SH3RF3: variants seen among roughly 807,000 people sequenced by gnomAD.
The protein encoded by SH3RF3 is SH3 domain containing ring finger 3, also known as E3 ubiquitin-protein ligase SH3RF3.
In SH3RF3, 29 loss-of-function variants were observed where a neutral mutation model predicts 66.3. The observed-to-expected ratio is 0.44, with a 90% confidence interval of 0.33 to 0.60. The LOEUF (loss-of-function observed/expected upper bound fraction) is 0.60. Among genes scored for constraint, SH3RF3 ranks in the 20% least tolerant of loss-of-function variants. The pLI, the probability that SH3RF3 is intolerant of heterozygous loss-of-function variation, is 0.04. For synonymous variants in SH3RF3, 583 were observed against 532.0 expected (o/e 1.10, Z -1.32); for missense variants, 1,194 against 1,190.9 (o/e 1.00, Z -0.04).
At chr2:109,491,984 A>G (rs1383093463) in intron 9 of SH3RF3, among the ~76,000 whole-genome samples, 1 of 152,070 alleles carries the variant, frequency 6.6e-6, no homozygotes, top group Admixed American at 6.5e-5. Context: ...CTATCCTCAC[A>G]TATTCTTCTG....
chr2:109,467,985 G>T lies in SH3RF3; in HGVS notation c.2148+18496G>T, dbSNP rs561375756. On this transcript the variant is annotated intron_variant, in intron 8 of 9. Coordinates refer to ENST00000309415, the MANE Select transcript of SH3RF3 (RefSeq NM_001099289.3). ...GGGTCAGAGGCAGAGAGACCCTGGAGGACCTCCTCAGAGCGGAAAACATTT... is the reference window on the plus strand; with the variant it reads ...GGGTCAGAGGCAGAGAGACCCTGGATGACCTCCTCAGAGCGGAAAACATTT... Among the ~76,000 whole-genome samples the T allele has an allele frequency of 5.8e-4, 89 of 152,364 alleles. 2 individuals carry two copies. The highest frequency in any genetic ancestry group is 2.1e-3 in the African/African-American group (86 of 41,588).
intron 1 of SH3RF3, among the ~76,000 whole-genome samples, chr2:109,155,772 A>G (rs888370967): frequency 6.6e-6 from 1 of 152,242 alleles, no homozygotes; most frequent in African/African-American, 2.4e-5. Flanking sequence ...TGTTGATCAT[A>G]GCACACGTGC....
chr2:109,283,576 A>G (rs1213331091), intron 1 of SH3RF3, among the ~76,000 whole-genome samples: 1 of 152,160 alleles, frequency 6.6e-6, no homozygotes, highest in East Asian at 1.9e-4. Context: ...GGATGGGGGC[A>G]CACTTCAGCC....
At chr2:109,336,366 C>T (rs1009456849) in intron 1 of SH3RF3, among the ~76,000 whole-genome samples, 1 of 152,202 alleles carries the variant, frequency 6.6e-6, no homozygotes, top group Non-Finnish European at 1.5e-5. Context: ...AGGAATTTCT[C>T]ACAGATAGAA....
At chr2:109,179,962 C>T (rs2104979510) in intron 1 of SH3RF3, among the ~76,000 whole-genome samples, 1 of 50,862 alleles carries the variant, frequency 2.0e-5, no homozygotes, top group South Asian at 8.6e-4. Flanking sequence ...ATCATTTGGA[C>T]CCAAAGGTGT....
At chr2:109,282,046 G>T (rs551620716) in intron 1 of SH3RF3, among the ~76,000 whole-genome samples, 4 of 152,176 alleles carry the variant, frequency 2.6e-5, no homozygotes, top group African/African-American at 9.6e-5. Context: ...GTGTCAGAGG[G>T]GATGCTGGTG....
chr2:109,277,558 C>T (rs552828820), intron 1 of SH3RF3, among the ~76,000 whole-genome samples: 1 of 152,312 alleles, frequency 6.6e-6, no homozygotes, highest in African/African-American at 2.4e-5. Flanking sequence ...AAGTGCCTCC[C>T]TGAGACTTAC....
In SH3RF3 at chr2:109,502,039, C is replaced by T. The variant is rs943288216; in HGVS notation, c.*368C>T. 6 of 214,096 alleles carry T rather than the reference C, an allele frequency of 2.8e-5. No individual in the cohort carries two copies. The highest frequency in any genetic ancestry group is 2.0e-4 in the East Asian group (2 of 9,842). 13.3% of individuals were successfully genotyped at this position (214,096 alleles called of 1,614,324 possible). A position where few individuals can be genotyped will look rare whatever the true frequency, so the allele number is the denominator to read the frequency against. ...AGGGTTGGAGGTTGCAGGAGGTCTG[C>T]AGGCGAGGTGGGTGGCATGGGGGCC... On this transcript the variant is annotated 3_prime_UTR_variant, in exon 10 of 10. Transcript: ENST00000309415.
intron 1 of SH3RF3, among the ~76,000 whole-genome samples, chr2:109,132,856 C>A (rs1314546522): frequency 6.6e-6 from 1 of 152,204 alleles, no homozygotes; most frequent in East Asian, 1.9e-4. Context: ...GGGAGTCTTG[C>A]TAAAAGAGTT....
chr2:109,129,604 G>A lies in SH3RF3; in HGVS notation c.64G>A (p.Gly22Ser). The A allele has an allele frequency of 6.7e-7, 1 of 1,481,690 alleles. No individual in the cohort carries two copies. Among genetic ancestry groups the A allele is most frequent in the East Asian group, 2.8e-5 (1 of 35,750 alleles). 91.8% of individuals were successfully genotyped at this position (1,481,690 alleles called of 1,614,324 possible). A position where few individuals can be genotyped will look rare whatever the true frequency, so the allele number is the denominator to read the frequency against. ...KAAAAAAQSE[G>S]DEDRPGERRR... ...GGCCGCCGCTGCTGCGCAGAGCGAG[G>A]GCGACGAGGACAGGCCAGGCGAGCG... is the stretch of plus-strand genomic sequence containing the variant. The change falls in exon 1 of 10, where the codon GGC (glycine) becomes AGC (serine). Residue 22 changes from glycine (G) to serine (S), a missense_variant. Transcript: ENST00000309415.
chr2:109,380,970 G>C (rs1336520151), intron 3 of SH3RF3, among the ~76,000 whole-genome samples: 1 of 152,254 alleles, frequency 6.6e-6, no homozygotes, highest in African/African-American at 2.4e-5. Flanking sequence ...AGGAGTCGTT[G>C]CTGATTGCCG....
intron 1 of SH3RF3, among the ~76,000 whole-genome samples, chr2:109,345,177 C>G (rs1682656052): frequency 6.6e-6 from 1 of 152,186 alleles, no homozygotes; most frequent in African/African-American, 2.4e-5. Context: ...GCTCTGCACC[C>G]CAGCTTTACC....
At chr2:109,170,215 CTTTTTTCTCTTCTCTTCTCT>C (rs1677728909) in intron 1 of SH3RF3, among the ~76,000 whole-genome samples, 2 of 150,916 alleles carry the variant, frequency 1.3e-5, no homozygotes, top group Admixed American at 1.3e-4. Flanking sequence ...CTTTCTCTCT[CTTTTTTCTCTTCTCTTCTCT>C]TCTTTTCTTT....
intron 1 of SH3RF3, among the ~76,000 whole-genome samples, chr2:109,222,707 A>G (rs1208085025): frequency 6.6e-6 from 1 of 152,324 alleles, no homozygotes; most frequent in East Asian, 1.9e-4. Flanking sequence ...AAACCCTGGG[A>G]TGGCGTGGGC....
chr2:109,191,145 G>C (rs766341092), intron 1 of SH3RF3, among the ~76,000 whole-genome samples: 2 of 152,152 alleles, frequency 1.3e-5, no homozygotes, highest in Non-Finnish European at 2.9e-5. Context: ...GCCAATGAGA[G>C]TAGAGGGTCC....
At chr2:109,378,180 A>G (rs1054796728) in intron 3 of SH3RF3, among the ~76,000 whole-genome samples, 1 of 152,128 alleles carries the variant, frequency 6.6e-6, no homozygotes, top group African/African-American at 2.4e-5. Context: ...GCACCTCCAG[A>G]CCTGTCTGAT....
chr2:109,162,608 G>T (rs4676253), intron 1 of SH3RF3, among the ~76,000 whole-genome samples: 130,919 of 152,172 alleles, frequency 0.86, 56,457 homozygotes, highest in African/African-American at 0.91. Context: ...TGCCACATTT[G>T]CTTAATCCAG....
At chr2:109,226,334 C>T (rs144465427) in intron 1 of SH3RF3, among the ~76,000 whole-genome samples, 2 of 152,244 alleles carry the variant, frequency 1.3e-5, no homozygotes, top group African/African-American at 4.8e-5. Context: ...CCAACTGTTT[C>T]AAAGCTAAAG....
chr2:109,268,194 C>T (rs565825865), intron 1 of SH3RF3, among the ~76,000 whole-genome samples: 2 of 152,068 alleles, frequency 1.3e-5, no homozygotes, highest in East Asian at 3.9e-4. Flanking sequence ...GATGGGCAGG[C>T]TAGAATAGGT....
Sources: allele counts gnomAD v4.1 joint callset (sites outside exome capture counted in the v4.1 genomes callset), GRCh38; gene constraint gnomAD v4.1.1; transcripts MANE v1.5; gene names NCBI Gene and HGNC (gene_info 2026-07-23, HGNC 2026-07-21).